Variants in SLC41A2 observed in about 807,000 individuals in gnomAD.
The protein encoded by SLC41A2 is solute carrier family 41 member 2.
Under a neutral mutation model 58.3 loss-of-function variants are expected in SLC41A2, and 32 were observed. The ratio of observed to expected loss-of-function variants is 0.55; its 90% confidence interval spans 0.41 to 0.74. The LOEUF is 0.74. SLC41A2 is among the 30% of genes least tolerant of loss of function. SLC41A2 has a pLI of 0.00. For synonymous variants in SLC41A2, 190 were observed against 235.0 expected, an observed-to-expected ratio of 0.81 and a Z score of 1.75; for missense variants, 514 against 680.6, an observed-to-expected ratio of 0.76 and a Z score of 2.72.
At position 104,807,126 on chromosome 12, in the gene SLC41A2, G is replaced by A. The variant is rs909317956; in HGVS notation, c.1537-1789C>T. ...TGCCATTGCTTTTGGTGTTTTAGAC[G>A]TGAAGTCCTTGCCCATGCCAATGTC... On this transcript the variant is annotated intron_variant, in intron 10 of 10. Coordinates refer to ENST00000258538, the MANE Select transcript of SLC41A2 (RefSeq NM_001352171.3). Among the ~76,000 whole-genome samples, 231 of 151,612 alleles carry A rather than the reference G, an allele frequency of 1.5e-3. 2 individuals are homozygous for A. The highest frequency in any genetic ancestry group is 6.8e-3 in the East Asian group (35 of 5,150).
At chr12:104,887,288 T>C (rs566055042) in intron 5 of SLC41A2, among the ~76,000 whole-genome samples, 3 of 151,922 alleles carry the variant, frequency 2.0e-5, no homozygotes, top group Non-Finnish European at 2.9e-5. Flanking sequence ...CTTTTAGAGT[T>C]AAAATGACTC....
In SLC41A2 at chr12:104,846,461, GC is replaced by G. The variant is rs2042601528; in HGVS notation, c.1256-488del. Reference sequence around the variant, plus strand: ...TGAAATGAATTCCAAAGAGTGGTAAGCCCCTCCAAGGTAAGATATGATACTT... The same window carrying G: ...TGAAATGAATTCCAAAGAGTGGTAAGCCCTCCAAGGTAAGATATGATACTT... On this transcript the variant is annotated intron_variant, in intron 8 of 10. Coordinates refer to ENST00000258538, the MANE Select transcript of SLC41A2 (RefSeq NM_001352171.3). Among the ~76,000 whole-genome samples, 3 of 152,214 alleles carry G rather than the reference GC, an allele frequency of 2.0e-5. No individual in the cohort carries two copies. In the South Asian group the frequency reaches 6.2e-4, roughly 31 times the overall value.
intron 2 of SLC41A2, among the ~76,000 whole-genome samples, chr12:104,926,937 T>C (rs1009683150): frequency 6.6e-6 from 1 of 151,772 alleles, no homozygotes; most frequent in Non-Finnish European, 1.5e-5. Flanking sequence ...AAATTTTTTT[T>C]AATTAGTGAG....
intron 6 of SLC41A2, among the ~76,000 whole-genome samples, chr12:104,870,078 G>C (rs2135543514): frequency 6.6e-6 from 1 of 152,274 alleles, no homozygotes; most frequent in Non-Finnish European, 1.5e-5. Context: ...GGCAAAAGGG[G>C]CTTTGTAGAA....
intron 8 of SLC41A2, 65 bp from the exon 9 acceptor site, chr12:104,846,039 A>G: frequency 1.3e-6 from 2 of 1,532,940 alleles, no homozygotes; most frequent in African/African-American, 1.4e-5. Context: ...AAATTCAACC[A>G]AAAGCAAGCC....
At chr12:104,935,028 G>A (rs2047206070) in intron 1 of SLC41A2, among the ~76,000 whole-genome samples, 1 of 152,234 alleles carries the variant, frequency 6.6e-6, no homozygotes, top group African/African-American at 2.4e-5. Context: ...TACGATCTTG[G>A]CCCACTGCAA....
chr12:104,894,782 C>G (rs77203491), intron 4 of SLC41A2, among the ~76,000 whole-genome samples: 1 of 152,106 alleles, frequency 6.6e-6, no homozygotes, highest in African/African-American at 2.4e-5. Flanking sequence ...AGATTATACA[C>G]GATCTACAGT....
chr12:104,907,361 G>A (rs2045900990), intron 3 of SLC41A2, among the ~76,000 whole-genome samples: 1 of 151,980 alleles, frequency 6.6e-6, no homozygotes, highest in Non-Finnish European at 1.5e-5. Flanking sequence ...ACATACTATA[G>A]ACTAAAGTGA....
At chr12:104,849,229 A>G (rs1279415949) in intron 8 of SLC41A2, among the ~76,000 whole-genome samples, 3 of 152,244 alleles carry the variant, frequency 2.0e-5, no homozygotes, top group Non-Finnish European at 4.4e-5. Flanking sequence ...TGTTCATCAA[A>G]AGACATCATG....
At chr12:104,877,827 C>T (rs1003744733) in intron 6 of SLC41A2, among the ~76,000 whole-genome samples, 2 of 152,038 alleles carry the variant, frequency 1.3e-5, no homozygotes, top group African/African-American at 2.4e-5. Context: ...AGTGAAACCC[C>T]GTCTCTACTA....
At chr12:104,852,530 A>G (rs1007566671) in intron 8 of SLC41A2, among the ~76,000 whole-genome samples, 25 of 152,216 alleles carry the variant, frequency 1.6e-4, no homozygotes. Context: ...TTGTTACCAT[A>G]TAACAGACTA....
chr12:104,866,431 CCTACTT>C lies in SLC41A2; in HGVS notation c.1170_1175del (p.Ser391_Ser392del). On this transcript the variant is annotated inframe_deletion and splice_region_variant, in exon 7 of 11. Transcript: ENST00000258538. ...ACACACACACATATTTTAATACTAA[CCTACTT>C]ATAACCATAGCTGTTATGACAGGCT... 1 of 1,608,256 alleles carries C rather than the reference CCTACTT, an allele frequency of 6.2e-7. No homozygotes were observed. Among genetic ancestry groups the C allele is most frequent in the East Asian group, 2.2e-5 (1 of 44,766 alleles).
At position 104,928,231 on chromosome 12, in the gene SLC41A2, C is replaced by T. The variant is rs1272145733; in HGVS notation, c.297G>A (p.Gly99=). 2 of 1,613,988 alleles carry T rather than the reference C, an allele frequency of 1.2e-6. No homozygotes were observed. Among genetic ancestry groups the T allele is most frequent in the East Asian group, 2.2e-5 (1 of 44,894 alleles). ...FSEQSFHANN[G]HASSSCSQKY... ...TTTGGCTGCAGCTTGATGATGCGTG[C>T]CCATTATTGGCATGAAAAGACTGCT... The change falls in exon 2 of 11, where the codon GGG becomes GGA. Residue 99 remains glycine (G), a synonymous_variant. Coordinates refer to ENST00000258538, the MANE Select transcript of SLC41A2 (RefSeq NM_001352171.3).
intron 10 of SLC41A2, among the ~76,000 whole-genome samples, chr12:104,807,910 G>T (rs1592906761): frequency 6.6e-6 from 1 of 152,164 alleles, no homozygotes; most frequent in Admixed American, 6.5e-5. Flanking sequence ...TTTGCACATT[G>T]ATTTTGTATC....
In SLC41A2 at chr12:104,889,051, T is replaced by G; in HGVS notation, c.862A>C (p.Ile288Leu). 6.3e-7 allele frequency: 1 copy of G among 1,593,028 alleles called. No individual in the cohort carries two copies. The highest frequency in any genetic ancestry group is 8.5e-7 in the Non-Finnish European group (1 of 1,174,996). ...CACTTACCCTGCAGAAGAGATGCAA[T>G]GAAGGCAGTTGCCACACTGCTAGAG... ...LCSSSVATAF[I>L]ASLLQGIIMV... The change falls in exon 5 of 11, where the codon ATT (isoleucine) becomes CTT (leucine). Residue 288 changes from isoleucine (I) to leucine (L), a missense_variant. Coordinates refer to ENST00000258538, the MANE Select transcript of SLC41A2 (RefSeq NM_001352171.3).
At chr12:104,816,705 G>A (rs112873917) in intron 10 of SLC41A2, among the ~76,000 whole-genome samples, 7 of 152,148 alleles carry the variant, frequency 4.6e-5, no homozygotes, top group African/African-American at 1.7e-4. Context: ...TACTAACATG[G>A]TGGGAAAAAA....
chr12:104,911,187 T>G (rs927447457), intron 2 of SLC41A2, among the ~76,000 whole-genome samples: 3 of 152,194 alleles, frequency 2.0e-5, no homozygotes, highest in Non-Finnish European at 4.4e-5. Context: ...ACCAAACCAA[T>G]GTATAACTTA....
chr12:104,853,926 T>TTTTTTTTTTA (rs2042917858), intron 8 of SLC41A2, among the ~76,000 whole-genome samples: 32 of 118,930 alleles, frequency 2.7e-4, no homozygotes, highest in African/African-American at 9.8e-4. Context: ...TTTTTTTTTT[T>TTTTTTTTTTA]TTTTTTTTTT....
rs2040739130 is a variant in SLC41A2 at position 104,802,605 on chromosome 12, G to A, written c.*2547C>T. The stretch of plus-strand genomic sequence containing the variant: ...GCATTTATGGCAAATGGCCAGACCT[G>A]GGCAGGGTGGTAGCAATGATAGATT... On this transcript the variant is annotated 3_prime_UTR_variant, in exon 11 of 11. Transcript: ENST00000258538. 6.6e-6 allele frequency: 1 copy of A among 152,094 alleles called. No individual in the cohort carries two copies. The highest frequency in any genetic ancestry group is 6.5e-5 in the Admixed American group (1 of 15,268). 9.4% of individuals were successfully genotyped at this position (152,094 alleles called of 1,614,324 possible).
Sources: allele counts gnomAD v4.1 joint callset (sites outside exome capture counted in the v4.1 genomes callset), GRCh38; gene constraint gnomAD v4.1.1; transcripts MANE v1.5; gene names NCBI Gene and HGNC (gene_info 2026-07-23, HGNC 2026-07-21).